The following SIL1 variants were observed in gnomAD, a reference collection of about 807,000 sequenced individuals.
The protein encoded by SIL1 is nucleotide exchange factor SIL1.
SIL1 carries 40 observed loss-of-function variants against 49.1 expected under a neutral mutation model. The observed-to-expected ratio is 0.81, with a 90% confidence interval of 0.63 to 1.06. SIL1 has a LOEUF of 1.06. Ranked by LOEUF, SIL1 falls within the 50% of genes least tolerant of loss-of-function variation. SIL1 has a pLI of 0.00. For synonymous variants in SIL1, 253 were observed against 250.8 expected (o/e 1.01, Z -0.08); for missense variants, 500 against 572.6 (o/e 0.87, Z 1.29).
chr5:139,057,957 C>T (rs1453555334), intron 3 of SIL1, among the ~76,000 whole-genome samples: 1 of 152,150 alleles, frequency 6.6e-6, no homozygotes, highest in East Asian at 1.9e-4. Flanking sequence ...ACTCTCATGA[C>T]CTCATCACCT....
In SIL1 at chr5:139,117,857, C is replaced by A. The variant is rs574789472; in HGVS notation, c.244+3178G>T. ...GACTGGGGCCCAATTCCTACCTGGACTGCAGGGAAGGCCCACGAAGTCATG... is the reference window on the plus strand; with the variant it reads ...GACTGGGGCCCAATTCCTACCTGGAATGCAGGGAAGGCCCACGAAGTCATG... On this transcript the variant is annotated intron_variant, in intron 3 of 9. Transcript: ENST00000394817. 1.7e-4 allele frequency among the ~76,000 whole-genome samples: 26 copies of A among 152,276 alleles called. No homozygotes were observed. In the East Asian group the frequency reaches 4.8e-3, roughly 28 times the overall value.
At chr5:139,001,684 A>G (rs1361091224) in intron 7 of SIL1, among the ~76,000 whole-genome samples, 4 of 152,214 alleles carry the variant, frequency 2.6e-5, no homozygotes, top group African/African-American at 7.2e-5. Flanking sequence ...AGGCGGGTGG[A>G]GCAAGAGGTC....
chr5:138,960,450 C>A (rs867510568), intron 7 of SIL1, among the ~76,000 whole-genome samples: 40 of 142,368 alleles, frequency 2.8e-4, no homozygotes, highest in Middle Eastern at 3.7e-3. Flanking sequence ...CAGAGTCTCA[C>A]CTCACTCTGT....
At chr5:139,111,353 G>A (rs1770834322) in intron 3 of SIL1, among the ~76,000 whole-genome samples, 1 of 152,136 alleles carries the variant, frequency 6.6e-6, no homozygotes, top group South Asian at 2.1e-4. Flanking sequence ...CTGTCCATCT[G>A]CTACCTAAAT....
intron 1 of SIL1, among the ~76,000 whole-genome samples, chr5:139,185,731 C>T (rs147359638): frequency 1.9e-3 from 295 of 152,308 alleles, no homozygotes; most frequent in African/African-American, 6.5e-3. Flanking sequence ...CCGAGATATC[C>T]CAGGCAGCTA....
intron 3 of SIL1, among the ~76,000 whole-genome samples, chr5:139,105,928 C>T (rs553699703): frequency 7.9e-5 from 12 of 152,344 alleles, no homozygotes; most frequent in African/African-American, 2.9e-4. Context: ...CATAAAGTTG[C>T]TCAGTCAAAA....
chr5:138,987,207 T>G (rs1298920191), intron 7 of SIL1, among the ~76,000 whole-genome samples: 1 of 151,632 alleles, frequency 6.6e-6, no homozygotes, highest in African/African-American at 2.4e-5. Context: ...TGTAATCTCC[T>G]TAAGTGATCC....
chr5:139,194,226 A>G (rs1458213023), intron 1 of SIL1, among the ~76,000 whole-genome samples: 1 of 152,228 alleles, frequency 6.6e-6, no homozygotes, highest in Non-Finnish European at 1.5e-5. Context: ...TAAGAATGCC[A>G]GGTGTAAACT....
chr5:139,035,538 C>A (rs1189923662), intron 5 of SIL1: 17 of 512,590 alleles, frequency 3.3e-5, no homozygotes, highest in South Asian at 2.4e-4. Flanking sequence ...CGGAGACAGA[C>A]CCAGGGGGCC....
At chr5:139,143,205 A>G (rs1290552540) in intron 1 of SIL1, among the ~76,000 whole-genome samples, 1 of 149,692 alleles carries the variant, frequency 6.7e-6, no homozygotes, top group African/African-American at 2.5e-5. Context: ...ATACATATAT[A>G]TGTGTATATA....
chr5:138,948,145 C>T lies in SIL1; in HGVS notation c.1030-672G>A, dbSNP rs1000726101. Among the ~76,000 whole-genome samples, 1 of 152,144 alleles carries T rather than the reference C, an allele frequency of 6.6e-6. No individual in the cohort carries two copies. Among genetic ancestry groups the T allele is most frequent in the African/African-American group, 2.4e-5 (1 of 41,420 alleles). Reference sequence around the variant, plus strand: ...GCCCTAACTCCAGGGGAGAATGAAGCACAGGGAAGATGCACAAGGCAAGAG... The same window carrying T: ...GCCCTAACTCCAGGGGAGAATGAAGTACAGGGAAGATGCACAAGGCAAGAG... On this transcript the variant is annotated intron_variant, in intron 9 of 9. Transcript: ENST00000394817. This position sits in a 1 kb window ranked among gnomAD's most constrained non-coding sequence, Gnocchi z 4.8.
At chr5:139,000,197 G>GT (rs1767957310) in intron 7 of SIL1, among the ~76,000 whole-genome samples, 1 of 152,110 alleles carries the variant, frequency 6.6e-6, no homozygotes. Context: ...TTCATTGACT[G>GT]TTTTTTCAGC....
chr5:139,002,709 C>T (rs771926120), intron 7 of SIL1, among the ~76,000 whole-genome samples: 14 of 152,174 alleles, frequency 9.2e-5, no homozygotes, highest in Non-Finnish European at 1.8e-4. Context: ...ATCAACTTTG[C>T]CCCCTTTGAA....
chr5:139,051,558 C>T (rs1250039234), intron 3 of SIL1, among the ~76,000 whole-genome samples: 1 of 152,224 alleles, frequency 6.6e-6, no homozygotes, highest in East Asian at 1.9e-4. Flanking sequence ...CTATGAGGCT[C>T]TCTCCTTCCT....
At chr5:139,195,447 G>C (rs1349101070) in intron 1 of SIL1, among the ~76,000 whole-genome samples, 2 of 152,046 alleles carry the variant, frequency 1.3e-5, no homozygotes, top group African/African-American at 2.4e-5. Context: ...GGAGTGAATG[G>C]CGTGATCTCC....
chr5:139,156,512 A>G (rs1452858992), intron 1 of SIL1, among the ~76,000 whole-genome samples: 3 of 152,140 alleles, frequency 2.0e-5, no homozygotes, highest in African/African-American at 7.2e-5. Context: ...GAGGGAGGGA[A>G]TAAGAAAAAA....
chr5:139,197,209 T>C (rs1174050638), intron 1 of SIL1, among the ~76,000 whole-genome samples: 1 of 140,796 alleles, frequency 7.1e-6, no homozygotes, highest in African/African-American at 2.7e-5. Context: ...CGGAGGTTGC[T>C]GTGAGTCGAG....
chr5:139,105,195 G>A (rs1770673195), intron 3 of SIL1, among the ~76,000 whole-genome samples: 1 of 152,288 alleles, frequency 6.6e-6, no homozygotes, highest in East Asian at 1.9e-4. Context: ...AGGAAGAGAA[G>A]GTGGGGAAGA....
intron 1 of SIL1, chr5:139,131,751 T>A (rs1581123224): frequency 6.6e-6 from 1 of 152,188 alleles, no homozygotes; most frequent in Non-Finnish European, 1.5e-5. Flanking sequence ...TGGCCATCCC[T>A]GGGTGTGAGC....
Sources: allele counts gnomAD v4.1 joint callset (sites outside exome capture counted in the v4.1 genomes callset), GRCh38; gene constraint gnomAD v4.1.1; non-coding constraint Gnocchi (gnomAD v3.1); transcripts MANE v1.5; gene names NCBI Gene and HGNC (gene_info 2026-07-23, HGNC 2026-07-21).